The following ROBO1 variants were observed in gnomAD, a reference collection of about 807,000 sequenced individuals.
The protein encoded by ROBO1 is roundabout guidance receptor 1, also known as roundabout homolog 1.
In ROBO1, 149 loss-of-function variants were observed where a neutral mutation model predicts 195.9. That is an observed-to-expected ratio of 0.76 (90% CI 0.67 to 0.87). ROBO1 has a LOEUF of 0.87. Among genes scored for constraint, ROBO1 ranks in the 40% least tolerant of loss-of-function variants. The pLI, the probability that ROBO1 is intolerant of heterozygous loss-of-function variation, is 0.00. For missense variants in ROBO1, 1,933 were observed against 2,068.3 expected (o/e 0.93, Z 1.27); for synonymous variants, 816 against 733.2 (o/e 1.11, Z -1.82).
intron 2 of ROBO1, among the ~76,000 whole-genome samples, chr3:79,577,043 A>G (rs1380861499): frequency 6.6e-6 from 1 of 152,114 alleles, no homozygotes; most frequent in Non-Finnish European, 1.5e-5. Context: ...TATGTTTTCA[A>G]TCGTAATTTT....
At chr3:79,427,534 T>C (rs2038496694) in intron 2 of ROBO1, among the ~76,000 whole-genome samples, 1 of 152,150 alleles carries the variant, frequency 6.6e-6, no homozygotes, top group African/African-American at 2.4e-5. Flanking sequence ...AGGACATTTT[T>C]TGAGTTTCAA....
chr3:79,662,363 A>C (rs769890354), intron 1 of ROBO1, among the ~76,000 whole-genome samples: 1 of 152,086 alleles, frequency 6.6e-6, no homozygotes, highest in Non-Finnish European at 1.5e-5. Flanking sequence ...TATCTTTATA[A>C]AAACCTGCTA....
intron 3 of ROBO1, among the ~76,000 whole-genome samples, chr3:79,115,551 T>C (rs887558684): frequency 6.6e-6 from 1 of 152,164 alleles, no homozygotes; most frequent in African/African-American, 2.4e-5. Context: ...AGGTTATATA[T>C]GGGCTTAATC....
At chr3:79,538,136 A>G (rs1195822831) in intron 2 of ROBO1, among the ~76,000 whole-genome samples, 1 of 152,136 alleles carries the variant, frequency 6.6e-6, no homozygotes, top group Non-Finnish European at 1.5e-5. Flanking sequence ...CCGACATTAC[A>G]TATGCTATAT....
chr3:78,696,583 C>T (rs1009300761), intron 8 of ROBO1, among the ~76,000 whole-genome samples: 1 of 150,910 alleles, frequency 6.6e-6, no homozygotes, highest in African/African-American at 2.4e-5. Context: ...TTTAAACTGC[C>T]ACAAATAGTT....
chr3:79,663,778 C>T (rs1332792591), intron 1 of ROBO1, among the ~76,000 whole-genome samples: 2 of 152,050 alleles, frequency 1.3e-5, no homozygotes, highest in Non-Finnish European at 2.9e-5. Flanking sequence ...CTGTTCAGTT[C>T]AAGAAACCAT....
intron 2 of ROBO1, among the ~76,000 whole-genome samples, chr3:79,343,802 G>A (rs1024531101): frequency 6.6e-6 from 1 of 152,064 alleles, no homozygotes; most frequent in Non-Finnish European, 1.5e-5. Context: ...CAAAGTCTGG[G>A]AAGAAAAAAC....
intron 2 of ROBO1, among the ~76,000 whole-genome samples, chr3:79,502,460 G>C (rs538035780): frequency 6.6e-6 from 1 of 152,074 alleles, no homozygotes; most frequent in Admixed American, 6.5e-5. Flanking sequence ...GGCAGGGCTC[G>C]GGACCTGTAG....
At chr3:79,386,588 G>A (rs953190332) in intron 2 of ROBO1, among the ~76,000 whole-genome samples, 2 of 152,118 alleles carry the variant, frequency 1.3e-5, no homozygotes, top group Non-Finnish European at 2.9e-5. Context: ...AGTTGACAGG[G>A]CATTCAAGCA....
At chr3:79,448,668 T>A (rs1398709093) in intron 2 of ROBO1, among the ~76,000 whole-genome samples, 1 of 152,190 alleles carries the variant, frequency 6.6e-6, no homozygotes, top group Non-Finnish European at 1.5e-5. Flanking sequence ...AAAGTTGGTA[T>A]ATGTAGAGAC....
chr3:79,362,973 C>T (rs1424959466), intron 2 of ROBO1, among the ~76,000 whole-genome samples: 1 of 152,070 alleles, frequency 6.6e-6, no homozygotes, highest in Non-Finnish European at 1.5e-5. Flanking sequence ...TCTAAAAATG[C>T]CACACTTTCT....
Position 79,659,497 on chromosome 3 carries a change from C to T in ROBO1, c.-50-69536G>A, listed in dbSNP as rs186002439. Among the ~76,000 whole-genome samples, 966 of 152,000 alleles carry T rather than the reference C, an allele frequency of 6.4e-3. 14 individuals carry two copies. Among genetic ancestry groups the T allele is most frequent in the Middle Eastern group, 0.017 (5 of 294 alleles). ...TCTGATAATTTTCAGTAGCCAAGCA[C>T]GTTTCCTTATTGGATAAGACTCATT... On this transcript the variant is annotated intron_variant, in intron 1 of 30. Coordinates refer to ENST00000464233, the MANE Select transcript of ROBO1 (RefSeq NM_002941.4).
chr3:79,434,966 A>G, intron 2 of ROBO1, among the ~76,000 whole-genome samples: 1 of 152,078 alleles, frequency 6.6e-6, no homozygotes, highest in Admixed American at 6.5e-5. Flanking sequence ...CGCAAGGACA[A>G]AAAACCAAAC....
intron 2 of ROBO1, among the ~76,000 whole-genome samples, chr3:79,421,968 T>C (rs1329418129): frequency 6.6e-6 from 1 of 151,718 alleles, no homozygotes; most frequent in South Asian, 2.1e-4. Flanking sequence ...GATTAACCAC[T>C]GTACATTTTT....
intron 14 of ROBO1, among the ~76,000 whole-genome samples, chr3:78,663,263 C>G (rs1236300517): frequency 6.6e-6 from 1 of 151,420 alleles, no homozygotes; most frequent in Admixed American, 6.6e-5. Context: ...TGATATCAAA[C>G]ACTCTTACAT....
chr3:79,032,081 C>T (rs1386014000), intron 3 of ROBO1, among the ~76,000 whole-genome samples: 1 of 151,998 alleles, frequency 6.6e-6, no homozygotes, highest in African/African-American at 2.4e-5. Flanking sequence ...TTTCTAAATG[C>T]TTACCTATTT....
At chr3:79,716,521 A>T (rs1289751262) in intron 1 of ROBO1, among the ~76,000 whole-genome samples, 3 of 152,012 alleles carry the variant, frequency 2.0e-5, no homozygotes, top group Non-Finnish European at 4.4e-5. Context: ...TTATTTAACG[A>T]AACAATACTA....
chr3:78,768,314 A>G (rs2083280065), intron 4 of ROBO1, among the ~76,000 whole-genome samples: 1 of 151,548 alleles, frequency 6.6e-6, no homozygotes, highest in South Asian at 2.1e-4. Flanking sequence ...ATATAATTTC[A>G]ATTTTCTTAA....
At chr3:79,037,833 A>G (rs1180855410) in intron 3 of ROBO1, among the ~76,000 whole-genome samples, 1 of 152,198 alleles carries the variant, frequency 6.6e-6, no homozygotes, top group Non-Finnish European at 1.5e-5. Context: ...TACGAACGGG[A>G]ACTAAACATT....
Sources: gnomAD v4.1 joint callset for allele counts (sites outside exome capture counted in the v4.1 genomes callset) on GRCh38, gnomAD v4.1.1 for gene constraint, MANE v1.5 for transcripts, NCBI Gene and HGNC (gene_info 2026-07-23, HGNC 2026-07-21) for gene names.